CCDC122: variants seen among roughly 807,000 people sequenced by gnomAD.
The protein encoded by CCDC122 is coiled-coil domain containing 122, also known as coiled-coil domain-containing protein 122.
Under a neutral mutation model 37.0 loss-of-function variants are expected in CCDC122, and 38 were observed. The observed-to-expected ratio is 1.03, with a 90% confidence interval of 0.79 to 1.35. The LOEUF is 1.35. Among genes scored for constraint, CCDC122 ranks in the 40% most tolerant of loss-of-function variants. CCDC122 has a pLI of 0.00. For synonymous variants in CCDC122, 83 were observed against 95.6 expected, an observed-to-expected ratio of 0.87 and a Z score of 0.77; for missense variants, 305 against 310.0, an observed-to-expected ratio of 0.98 and a Z score of 0.12.
At chr13:43,820,671 G>A (rs1952986785), downstream of CCDC122, among the ~76,000 whole-genome samples, 1 of 152,116 alleles carries the variant, frequency 6.6e-6, no homozygotes, top group African/African-American at 2.4e-5. Flanking sequence ...AAAGAATCGA[G>A]TATCAATCCT....
chr13:43,832,684 AATT>A (rs555659978), downstream of CCDC122, among the ~76,000 whole-genome samples: 183 of 152,288 alleles, frequency 1.2e-3, no homozygotes, highest in Non-Finnish European at 1.8e-3. Context: ...TGTATAAATA[AATT>A]ATTATTTATA....
chr13:43,833,054 T>C (rs558563944), downstream of CCDC122, among the ~76,000 whole-genome samples: 4 of 152,172 alleles, frequency 2.6e-5, no homozygotes, highest in Non-Finnish European at 5.9e-5. Flanking sequence ...ACCATTTATA[T>C]TGGCCATGAA....
At chr13:43,856,733 G>A (rs1217247375) in intron 6 of CCDC122, 1 of 152,130 alleles carries the variant, frequency 6.6e-6, no homozygotes, top group Non-Finnish European at 1.5e-5. Flanking sequence ...TATGGTATGT[G>A]AATTTTATCT....
At chr13:43,865,685 G>A (rs1035076412) in intron 4 of CCDC122, among the ~76,000 whole-genome samples, 1 of 152,000 alleles carries the variant, frequency 6.6e-6, no homozygotes, top group Non-Finnish European at 1.5e-5. Flanking sequence ...GGCTGGTCTC[G>A]AACTCCCGAC....
At chr13:43,845,822 T>C (rs1953507483) in intron 6 of CCDC122, among the ~76,000 whole-genome samples, 1 of 152,234 alleles carries the variant, frequency 6.6e-6, no homozygotes, top group Admixed American at 6.5e-5. Flanking sequence ...AAATTCAACT[T>C]ATTTTTTTAG....
intron 2 of CCDC122, among the ~76,000 whole-genome samples, chr13:43,874,384 T>C (rs1490360843): frequency 6.6e-6 from 1 of 152,144 alleles, no homozygotes; most frequent in African/African-American, 2.4e-5. Flanking sequence ...TTCATTATTT[T>C]ATAGTATCTT....
intron 6 of CCDC122, among the ~76,000 whole-genome samples, chr13:43,853,490 G>T (rs757695563): frequency 6.6e-6 from 1 of 152,178 alleles, no homozygotes; most frequent in Non-Finnish European, 1.5e-5. Flanking sequence ...GATTCATTAA[G>T]TAAGTTCTTA....
chr13:43,867,069 A>C (rs1954295712), intron 4 of CCDC122, among the ~76,000 whole-genome samples: 1 of 152,136 alleles, frequency 6.6e-6, no homozygotes, highest in South Asian at 2.1e-4. Context: ...ATTTATGTAG[A>C]TGTTCTTCCT....
downstream of CCDC122, among the ~76,000 whole-genome samples, chr13:43,822,737 T>C (rs1594807766): frequency 6.6e-6 from 1 of 152,128 alleles, no homozygotes; most frequent in Admixed American, 6.5e-5. Flanking sequence ...CAGCCCATGG[T>C]GGGGTTCTGC....
chr13:43,822,753 C>T (rs1297718947), downstream of CCDC122, among the ~76,000 whole-genome samples: 2 of 152,162 alleles, frequency 1.3e-5, no homozygotes, highest in African/African-American at 4.8e-5. Flanking sequence ...TCTGCCAGGG[C>T]ACTGCTGATG....
chr13:43,827,039 T>TC (rs1159213805), intron 3 of CCDC122, among the ~76,000 whole-genome samples: 38 of 152,324 alleles, frequency 2.5e-4, no homozygotes, highest in Admixed American at 2.2e-3. Flanking sequence ...AGCTATATTT[T>TC]CATGAAGCTT....
At chr13:43,864,559 C>T (rs1954212601) in intron 4 of CCDC122, among the ~76,000 whole-genome samples, 1 of 152,058 alleles carries the variant, frequency 6.6e-6, no homozygotes, top group Non-Finnish European at 1.5e-5. Flanking sequence ...AGGCGCCAGG[C>T]TCTTTTTAAC....
Position 43,825,774 on chromosome 13 carries a change from A to G in CCDC122, n.602-1763T>C, listed in dbSNP as rs186115941. Among the ~76,000 whole-genome samples, 164 of 148,802 alleles carry G rather than the reference A, an allele frequency of 1.1e-3. 2 individuals carry two copies. The East Asian group carries it at 0.029, about 27-fold the overall frequency. ...GACGGAGTGAGACTCCGTCTCAAAA[A>G]AAAAAAAAAAAAAAAGGGAGGGAGT... On this transcript the variant is annotated intron_variant and non_coding_transcript_variant, in intron 3 of 3. Coordinates refer to the CCDC122 transcript ENST00000470137.
At chr13:43,860,353 T>A (rs185960037) in intron 4 of CCDC122, among the ~76,000 whole-genome samples, 7 of 152,160 alleles carry the variant, frequency 4.6e-5, no homozygotes, top group African/African-American at 1.7e-4. Flanking sequence ...TTATAATAAT[T>A]TTACTAATTT....
chr13:43,843,516 TTC>T (rs1953424421), intron 6 of CCDC122, among the ~76,000 whole-genome samples: 1 of 152,024 alleles, frequency 6.6e-6, no homozygotes, highest in South Asian at 2.1e-4. Context: ...CTGTAATTTC[TTC>T]TCTGATAGGA....
intron 4 of CCDC122, among the ~76,000 whole-genome samples, chr13:43,865,760 G>T (rs1040950430): frequency 1.3e-5 from 2 of 152,084 alleles, no homozygotes; most frequent in African/African-American, 2.4e-5. Flanking sequence ...ACCACGCCCA[G>T]CCAGGAATTT....
downstream of CCDC122, among the ~76,000 whole-genome samples, chr13:43,834,234 G>A (rs1953117962): frequency 6.6e-6 from 1 of 152,186 alleles, no homozygotes; most frequent in African/African-American, 2.4e-5. Flanking sequence ...AATAAATGGT[G>A]CTGGGAAAAC....
intron 2 of CCDC122, among the ~76,000 whole-genome samples, chr13:43,872,454 C>G: frequency 6.6e-6 from 1 of 152,108 alleles, no homozygotes; most frequent in East Asian, 1.9e-4. Flanking sequence ...TCTTAACATG[C>G]ACCAAGTTAT....
At chr13:43,828,573 C>T (rs889779375) in intron 3 of CCDC122, among the ~76,000 whole-genome samples, 4 of 151,352 alleles carry the variant, frequency 2.6e-5, no homozygotes, top group African/African-American at 9.7e-5. Flanking sequence ...CACACACACA[C>T]ACACACACAC....
Sources: gnomAD v4.1 joint callset for allele counts (sites outside exome capture counted in the v4.1 genomes callset) on GRCh38, gnomAD v4.1.1 for gene constraint, MANE v1.5 for transcripts, NCBI Gene and HGNC (gene_info 2026-07-23, HGNC 2026-07-21) for gene names.